Variants in ADAMTS6 observed in about 807,000 individuals in gnomAD.
ADAMTS6 encodes ADAM metallopeptidase with thrombospondin type 1 motif 6.
Under a neutral mutation model 144.3 loss-of-function variants are expected in ADAMTS6, and 23 were observed. The observed-to-expected ratio is 0.16, with a 90% CI of 0.11 to 0.23. ADAMTS6 has a LOEUF of 0.23. Among genes scored for constraint, ADAMTS6 ranks in the 10% least tolerant of loss-of-function variants. The pLI, the probability that ADAMTS6 is intolerant of heterozygous loss-of-function variation, is 1.00. For synonymous variants in ADAMTS6, 444 were observed against 457.5 expected (o/e 0.97, Z 0.38); for missense variants, 999 against 1,379.6 (o/e 0.72, Z 4.37).
chr5:65,260,768 A>G (rs1761130008), intron 13 of ADAMTS6, 105 bp from the exon 14 acceptor site: 5 of 752,284 alleles, frequency 6.6e-6, no homozygotes, highest in Non-Finnish European at 1.1e-5. Context: ...TTCAAAAAAT[A>G]TATCATTTGA....
chr5:65,431,418 C>A (rs1756991225), intron 7 of ADAMTS6, among the ~76,000 whole-genome samples: 1 of 152,226 alleles, frequency 6.6e-6, no homozygotes, highest in East Asian at 1.9e-4. Context: ...ATTTCATATG[C>A]CTTTTCAAAA....
At chr5:65,452,249 T>A in intron 5 of ADAMTS6, 33 bp from the exon 6 acceptor site, 1 of 1,592,348 alleles carries the variant, frequency 6.3e-7, no homozygotes, top group Non-Finnish European at 8.6e-7. Context: ...AGACACAAAG[T>A]CAGACAAAAA....
intron 23 of ADAMTS6, 101 bp from the exon 24 acceptor site, chr5:65,170,874 T>C: frequency 7.8e-7 from 1 of 1,288,812 alleles, no homozygotes; most frequent in South Asian, 1.6e-5. Context: ...TATGAACTTT[T>C]TTTTTTTTCT....
chr5:65,192,573 T>C (rs1284328917), intron 21 of ADAMTS6, among the ~76,000 whole-genome samples: 2 of 151,902 alleles, frequency 1.3e-5, no homozygotes, highest in Admixed American at 1.3e-4. Flanking sequence ...GCCTTTCTCT[T>C]TGGATTCCAA....
intron 7 of ADAMTS6, among the ~76,000 whole-genome samples, chr5:65,438,344 A>G (rs922512509): frequency 9.9e-5 from 15 of 152,122 alleles, no homozygotes; most frequent in African/African-American, 3.6e-4. Flanking sequence ...CCTGGCCAAC[A>G]TAGCTAAACC....
At chr5:65,441,530 G>A (rs1036941534) in intron 7 of ADAMTS6, among the ~76,000 whole-genome samples, 1 of 152,026 alleles carries the variant, frequency 6.6e-6, no homozygotes, top group African/African-American at 2.4e-5. Context: ...GTTCAACTCA[G>A]TAAGGGTAAA....
At chr5:65,243,591 T>C (rs570670913) in intron 14 of ADAMTS6, among the ~76,000 whole-genome samples, 2 of 152,178 alleles carry the variant, frequency 1.3e-5, no homozygotes, top group Non-Finnish European at 1.5e-5. Flanking sequence ...TTAAAAAAAA[T>C]GAAAAATATT....
intron 19 of ADAMTS6, 114 bp downstream of exon 19, chr5:65,215,210 C>G: frequency 2.4e-6 from 3 of 1,266,504 alleles, no homozygotes; most frequent in Non-Finnish European, 3.3e-6. Flanking sequence ...ATCATTTTAT[C>G]TTTATTTACC....
At chr5:65,184,244 C>A (rs1754534229) in intron 22 of ADAMTS6, among the ~76,000 whole-genome samples, 1 of 152,098 alleles carries the variant, frequency 6.6e-6, no homozygotes, top group Non-Finnish European at 1.5e-5. Flanking sequence ...TATTTGAAAC[C>A]AACCAGGGAA....
chr5:65,380,725 G>A (rs1389593211), intron 7 of ADAMTS6, among the ~76,000 whole-genome samples: 2 of 152,032 alleles, frequency 1.3e-5, no homozygotes, highest in Non-Finnish European at 2.9e-5. Context: ...CAGATTTTTT[G>A]TGTGTATTAA....
chr5:65,237,849 G>A (rs1356451270), intron 15 of ADAMTS6, among the ~76,000 whole-genome samples: 1 of 152,188 alleles, frequency 6.6e-6, no homozygotes, highest in Non-Finnish European at 1.5e-5. Flanking sequence ...CACTTTGGGA[G>A]GCTGAGATGG....
At chr5:65,200,979 T>C (rs1315032338) in intron 20 of ADAMTS6, among the ~76,000 whole-genome samples, 2 of 152,216 alleles carry the variant, frequency 1.3e-5, no homozygotes, top group Non-Finnish European at 2.9e-5. Flanking sequence ...TATATTTAAT[T>C]TTCTGCCAAT....
chr5:65,416,697 C>G (rs1405128586), intron 7 of ADAMTS6, among the ~76,000 whole-genome samples: 1 of 147,886 alleles, frequency 6.8e-6, no homozygotes, highest in Non-Finnish European at 1.5e-5. Flanking sequence ...GCGGAGATCA[C>G]AGAGCTCACA....
intron 10 of ADAMTS6, 114 bp from the exon 11 acceptor site, chr5:65,291,584 C>A: frequency 1.8e-6 from 2 of 1,098,742 alleles, no homozygotes; most frequent in Non-Finnish European, 2.5e-6. Context: ...AAAAACAATA[C>A]ATTCTCCCAA....
intron 7 of ADAMTS6, among the ~76,000 whole-genome samples, chr5:65,348,217 T>C (rs1427617155): frequency 6.6e-6 from 1 of 152,120 alleles, no homozygotes; most frequent in African/African-American, 2.4e-5. Flanking sequence ...CCCATGTTCA[T>C]TGTGGGGTAA....
At chr5:65,328,193 G>T (rs964487883) in intron 9 of ADAMTS6, among the ~76,000 whole-genome samples, 2 of 151,838 alleles carry the variant, frequency 1.3e-5, no homozygotes, top group Non-Finnish European at 2.9e-5. Context: ...AAATTTGATT[G>T]CAATTTTGAA....
At position 65,392,560 on chromosome 5, in the gene ADAMTS6, G is replaced by A. The variant is rs902754940; in HGVS notation, c.1074-58475C>T. 4.6e-5 allele frequency among the ~76,000 whole-genome samples: 7 copies of A among 152,118 alleles called. No individual in the cohort carries two copies. In the South Asian group the frequency reaches 1.0e-3, roughly 23 times the overall value. On this transcript the variant is annotated intron_variant, in intron 7 of 24. Transcript: ENST00000381055. ...TTTGTGCTCAATTGGTCTCAAGTTC[G>A]CCAGTGGGAATGCCTCCAGTAGGAT...
At chr5:65,392,618 T>C (rs1753017625) in intron 7 of ADAMTS6, among the ~76,000 whole-genome samples, 2 of 152,218 alleles carry the variant, frequency 1.3e-5, no homozygotes, top group African/African-American at 4.8e-5. Flanking sequence ...CCCATTGTTT[T>C]ATTTAGCACT....
intron 4 of ADAMTS6, among the ~76,000 whole-genome samples, chr5:65,458,274 CAAG>C (rs1759374985): frequency 6.6e-6 from 1 of 151,968 alleles, no homozygotes; most frequent in African/African-American, 2.4e-5. Context: ...AGAGATTACT[CAAG>C]AAGAAAGTGT....
Sources: allele counts gnomAD v4.1 joint callset (sites outside exome capture counted in the v4.1 genomes callset), GRCh38; gene constraint gnomAD v4.1.1; transcripts MANE v1.5; gene names NCBI Gene and HGNC (gene_info 2026-07-23, HGNC 2026-07-21).